ANAPC1: variants seen among roughly 807,000 people sequenced by gnomAD.
The protein encoded by ANAPC1 is anaphase promoting complex subunit 1, also known as anaphase-promoting complex subunit 1.
ANAPC1 carries 36 observed loss-of-function variants against 208.0 expected under a neutral mutation model. That is an observed-to-expected ratio of 0.17 (90% confidence interval 0.13 to 0.23). The LOEUF (loss-of-function observed/expected upper bound fraction) is 0.23, where lower values mean the gene tolerates loss of function less well. ANAPC1 is among the 10% of genes least tolerant of loss of function. The pLI is 1.00. For synonymous variants in ANAPC1, 378 were observed against 695.2 expected (o/e 0.54, Z 7.18); for missense variants, 942 against 2,011.6 (o/e 0.47, Z 10.17).
At chr2:111,828,814 T>G (rs1466312856) in intron 21 of ANAPC1, among the ~76,000 whole-genome samples, 1 of 152,188 alleles carries the variant, frequency 6.6e-6, no homozygotes, top group Admixed American at 6.5e-5. Context: ...CACTATCTAA[T>G]AGGTACAGAG....
At chr2:111,811,134 G>C (rs917560656) in intron 28 of ANAPC1, among the ~76,000 whole-genome samples, 1 of 151,990 alleles carries the variant, frequency 6.6e-6, no homozygotes, top group Non-Finnish European at 1.5e-5. Context: ...ACCCTACACC[G>C]GCCCCCAGTC....
chr2:111,839,942 C>T (rs912243897), intron 17 of ANAPC1, among the ~76,000 whole-genome samples: 1 of 152,070 alleles, frequency 6.6e-6, no homozygotes, highest in Non-Finnish European at 1.5e-5. Context: ...GACCCTTACC[C>T]TTCATCTATC....
At chr2:111,836,620 G>A (rs893294183) in intron 18 of ANAPC1, among the ~76,000 whole-genome samples, 5 of 151,048 alleles carry the variant, frequency 3.3e-5, no homozygotes, top group African/African-American at 9.7e-5. Context: ...GCAGTCCAGC[G>A]TAGGCAACAG....
chr2:111,816,201 T>C (rs1200519187), intron 27 of ANAPC1, among the ~76,000 whole-genome samples: 1 of 150,312 alleles, frequency 6.7e-6, no homozygotes, highest in Non-Finnish European at 1.5e-5. Flanking sequence ...GAGGCAGAGG[T>C]TGCAGTGAGC....
At chr2:111,832,937 C>CAAAAAATAAAAAA (rs1680232899) in intron 20 of ANAPC1, among the ~76,000 whole-genome samples, 1 of 53,628 alleles carries the variant, frequency 1.9e-5, no homozygotes, top group Non-Finnish European at 3.5e-5. Flanking sequence ...GACTCAGTCT[C>CAAAAAATAAAAAA]AAAAAAAAAA....
chr2:111,798,999 A>C (rs1266596694), intron 34 of ANAPC1, among the ~76,000 whole-genome samples: 2 of 150,802 alleles, frequency 1.3e-5, no homozygotes, highest in Non-Finnish European at 3.0e-5. Flanking sequence ...ACACCACTGC[A>C]CTCCAGCCTG....
chr2:111,862,163 CA>C (rs1309061436), intron 10 of ANAPC1, among the ~76,000 whole-genome samples: 1 of 151,824 alleles, frequency 6.6e-6, no homozygotes, highest in Non-Finnish European at 1.5e-5. Context: ...TTCAGCCTCC[CA>C]AAGTGCTGGG....
At position 111,843,410 on chromosome 2, in the gene ANAPC1, A is replaced by G; in HGVS notation, c.2040+2T>C. 1 of 1,611,940 alleles carries G rather than the reference A, an allele frequency of 6.2e-7. No individual in the cohort carries two copies. Among genetic ancestry groups the G allele is most frequent in the Non-Finnish European group, 8.5e-7 (1 of 1,179,810 alleles). ...ATAAAGAAAACAATAGTATTTACTTACATTTCTAGTCCATGCTAAGCGGTC... is the reference window on the plus strand; with the variant it reads ...ATAAAGAAAACAATAGTATTTACTTGCATTTCTAGTCCATGCTAAGCGGTC... On this transcript the variant is annotated splice_donor_variant, in intron 17 of 47. Transcript: ENST00000341068. LOFTEE classifies it high-confidence loss of function.
At chr2:111,834,307 C>A (rs1195268603) in intron 19 of ANAPC1, among the ~76,000 whole-genome samples, 1 of 152,190 alleles carries the variant, frequency 6.6e-6, no homozygotes, top group Non-Finnish European at 1.5e-5. Context: ...AGAACTCCCA[C>A]CGCAGTATAG....
rs1170557387 is a variant in ANAPC1 at position 111,816,351 on chromosome 2, C to T, written c.3326-710G>A. Among the ~76,000 whole-genome samples, 103 of 149,524 alleles carry T rather than the reference C, an allele frequency of 6.9e-4. 2 individuals are homozygous for T. The South Asian group carries it at 0.011, about 16-fold the overall frequency. Reference sequence around the variant, plus strand: ...TATGCCCCCTTCTCTCTCTTTTTTTCTCTCTCTCTCTATATATACATACAG... The same window carrying T: ...TATGCCCCCTTCTCTCTCTTTTTTTTTCTCTCTCTCTATATATACATACAG... On this transcript the variant is annotated intron_variant, in intron 27 of 47. Transcript: ENST00000341068.
chr2:111,795,199 T>C (rs1190614125), intron 34 of ANAPC1, among the ~76,000 whole-genome samples: 3 of 152,158 alleles, frequency 2.0e-5, no homozygotes, highest in African/African-American at 7.2e-5. Flanking sequence ...CTGACCAACA[T>C]GGTGAAACCC....
intron 28 of ANAPC1, among the ~76,000 whole-genome samples, chr2:111,813,412 A>G (rs994019201): frequency 3.9e-5 from 6 of 152,138 alleles, no homozygotes; most frequent in African/African-American, 1.4e-4. Flanking sequence ...GCTCCAGGAC[A>G]GACTCTTTGC....
At position 111,843,365 on chromosome 2, in the gene ANAPC1, T is replaced by C. The variant is rs751328898; in HGVS notation, c.2040+47A>G. ...TGTTATATTACCAATTATGCAACCA[T>C]TACATTAACAGAATAACTCATAAAG... On this transcript the variant is annotated intron_variant, in intron 17 of 47. Coordinates refer to ENST00000341068, the MANE Select transcript of ANAPC1 (RefSeq NM_022662.4). The C allele has an allele frequency of 1.3e-5, 20 of 1,596,802 alleles. No homozygotes were observed. In the Admixed American group the frequency reaches 3.2e-4, roughly 25 times the overall value.
intron 47 of ANAPC1, among the ~76,000 whole-genome samples, chr2:111,770,204 T>TAC (rs1676659038): frequency 9.2e-5 from 1 of 10,868 alleles, no homozygotes; most frequent in African/African-American, 2.9e-4. Flanking sequence ...TTTAATTTTA[T>TAC]ATATATATAT....
chr2:111,852,321 T>C (rs6541920), intron 13 of ANAPC1, among the ~76,000 whole-genome samples: 99,390 of 147,802 alleles, frequency 0.67, 33,702 homozygotes, highest in African/African-American at 0.73. Flanking sequence ...AACCAGGCCT[T>C]AGGCTTTCAA....
intron 11 of ANAPC1, among the ~76,000 whole-genome samples, chr2:111,857,452 A>T (rs927521273): frequency 2.0e-5 from 3 of 152,254 alleles, no homozygotes; most frequent in Non-Finnish European, 4.4e-5. Context: ...TCATGAGATG[A>T]TCAACATCAG....
At chr2:111,785,221 T>C in intron 40 of ANAPC1, 139 bp downstream of exon 40, 2 of 570,764 alleles carry the variant, frequency 3.5e-6, no homozygotes, top group Non-Finnish European at 6.5e-6. Context: ...GGATATACAA[T>C]AACTTTGGAA....
chr2:111,825,164 G>A lies in ANAPC1; in HGVS notation c.2708C>T (p.Pro903Leu), dbSNP rs1223357335. 74 of 1,610,500 alleles carry A rather than the reference G, an allele frequency of 4.6e-5. No individual in the cohort carries two copies. In the Admixed American group the frequency reaches 1.2e-3, roughly 27 times the overall value. Residue 903 changes from proline to leucine, a missense_variant, in exon 23 of 48, where the codon CCC becomes CTC. Pro to Leu is a moderately conservative substitution (Grantham distance 98, BLOSUM62 -3). Coordinates refer to ENST00000341068, the MANE Select transcript of ANAPC1 (RefSeq NM_022662.4). ...SQYLTRITIAPQKLQVEQEEN... is the reference protein window; with the variant it reads ...SQYLTRITIALQKLQVEQEEN... ...CTCTTGTTCTACTTGCAACTTCTGGGGGGCTAAAAGGCAACAAAATGAAAC... is the reference window on the plus strand; with the variant it reads ...CTCTTGTTCTACTTGCAACTTCTGGAGGGCTAAAAGGCAACAAAATGAAAC...
Position 111,825,765 on chromosome 2 carries a change from G to GCACC in ANAPC1, c.2704+8_2704+11dup, listed in dbSNP as rs761723580. 7 of 1,606,698 alleles carry GCACC rather than the reference G, an allele frequency of 4.4e-6. No individual in the cohort carries two copies. On this transcript the variant is annotated intron_variant, in intron 22 of 47. Transcript: ENST00000341068. ...AAAATTTGTTTCCAGAGGCAACATT[G>GCACC]CACCAACTTACCTATAGTTATTCTG...
Sources: allele counts gnomAD v4.1 joint callset (sites outside exome capture counted in the v4.1 genomes callset), GRCh38; gene constraint gnomAD v4.1.1; transcripts MANE v1.5; gene names NCBI Gene and HGNC (gene_info 2026-07-23, HGNC 2026-07-21).